XKR3: variants seen among roughly 807,000 people sequenced by gnomAD.
XKR3 encodes the protein XK-related protein 3.
Under a neutral mutation model 40.3 loss-of-function variants are expected in XKR3, and 27 were observed. The observed-to-expected ratio is 0.67, with a 90% confidence interval of 0.49 to 0.92. The LOEUF is 0.92. Among genes scored for constraint, XKR3 ranks in the 40% least tolerant of loss-of-function variants. The pLI, the probability that XKR3 is intolerant of heterozygous loss-of-function variation, is 0.00. For synonymous variants in XKR3, 193 were observed against 195.4 expected (o/e 0.99, Z 0.10); for missense variants, 472 against 537.6 (o/e 0.88, Z 1.21).
intron 1 of XKR3, among the ~76,000 whole-genome samples, chr22:16,820,499 A>G (rs556979207): frequency 6.6e-6 from 1 of 152,256 alleles, no homozygotes; most frequent in South Asian, 2.1e-4. Context: ...CATATTTAAC[A>G]TGGACCTGGG....
At chr22:16,800,899 A>G (rs1023813542) in intron 2 of XKR3, among the ~76,000 whole-genome samples, 1 of 152,196 alleles carries the variant, frequency 6.6e-6, no homozygotes, top group Non-Finnish European at 1.5e-5. Context: ...AATGATGAGC[A>G]AGTATTAAAA....
intron 3 of XKR3, among the ~76,000 whole-genome samples, chr22:16,790,068 G>C (rs911548956): frequency 6.6e-6 from 1 of 152,146 alleles, no homozygotes; most frequent in African/African-American, 2.4e-5. Flanking sequence ...GAACCTAGGA[G>C]TGCAAGGCTG....
At chr22:16,799,154 C>CA in intron 3 of XKR3, among the ~76,000 whole-genome samples, 1 of 152,068 alleles carries the variant, frequency 6.6e-6, no homozygotes, top group South Asian at 2.1e-4. Context: ...TGGCTCATGC[C>CA]AGTAATCCCA....
intron 3 of XKR3, among the ~76,000 whole-genome samples, chr22:16,797,510 T>C (rs1480300421): frequency 1.3e-5 from 2 of 151,962 alleles, no homozygotes; most frequent in Non-Finnish European, 2.9e-5. Context: ...TAGGTAAAAG[T>C]GGCCAGGCGC....
At position 16,784,372 on chromosome 22, in the gene XKR3, A is replaced by G. The variant is rs781013466; in HGVS notation, c.627T>C (p.Tyr209=). 3.4e-5 allele frequency: 55 copies of G among 1,607,430 alleles called. No homozygotes were observed. In the East Asian group the frequency reaches 8.0e-4, roughly 23 times the overall value. ...LMTFSLLSVT[Y]GAIRCNILAI... ...CCAGTATATTGCAGCGAATGGCCCC[A>G]TAAGTAACTGATAACAGGGAAAATG... The change falls in exon 4 of 4, where the codon TAT becomes TAC. Residue 209 remains tyrosine (Y), a synonymous_variant. Transcript: ENST00000684488.
At position 16,795,031 on chromosome 22, in the gene XKR3, C is replaced by T. The variant is rs1314712612; in HGVS notation, c.589+4740G>A. ...CTAAAAAAGAAACTCTGGACTTAAA[C>T]TCAACACTTGACCAAATGGAACTAA... On this transcript the variant is annotated intron_variant, in intron 3 of 3. Transcript: ENST00000684488. Among the ~76,000 whole-genome samples the T allele has an allele frequency of 2.6e-5, 4 of 152,178 alleles. No individual in the cohort carries two copies. In the East Asian group the frequency reaches 5.8e-4, roughly 22 times the overall value.
At chr22:16,822,330 A>G (rs1047955126) in intron 1 of XKR3, among the ~76,000 whole-genome samples, 3 of 152,150 alleles carry the variant, frequency 2.0e-5, no homozygotes, top group African/African-American at 7.2e-5. Context: ...ACCTCAAAGC[A>G]AGAACTAAAG....
At chr22:16,802,930 A>G (rs5992551) in intron 2 of XKR3, among the ~76,000 whole-genome samples, 9,192 of 152,262 alleles carry the variant, frequency 0.06, 817 homozygotes, top group African/African-American at 0.2. Context: ...CAGAAATAAA[A>G]TAGTCACACA....
At chr22:16,810,304 A>G (rs1257333188) in intron 1 of XKR3, among the ~76,000 whole-genome samples, 1 of 152,136 alleles carries the variant, frequency 6.6e-6, no homozygotes, top group Non-Finnish European at 1.5e-5. Flanking sequence ...AACTTTCCCC[A>G]TATGTTTCCC....
chr22:16,806,933 A>T (rs916293648), intron 2 of XKR3, among the ~76,000 whole-genome samples: 1 of 152,166 alleles, frequency 6.6e-6, no homozygotes, highest in African/African-American at 2.4e-5. Flanking sequence ...ATTAATTCCT[A>T]TGTGGTCCAT....
intron 1 of XKR3, among the ~76,000 whole-genome samples, chr22:16,821,383 A>G (rs1341241222): frequency 3.3e-5 from 5 of 152,128 alleles, no homozygotes; most frequent in Non-Finnish European, 7.4e-5. Flanking sequence ...TAAACAAAGC[A>G]TCTCAAAAAT....
At chr22:16,802,351 T>C (rs1178763966) in intron 2 of XKR3, among the ~76,000 whole-genome samples, 2 of 152,266 alleles carry the variant, frequency 1.3e-5, no homozygotes, top group Admixed American at 6.5e-5. Flanking sequence ...AGATACTTGA[T>C]TGAATTGTCT....
At chr22:16,812,907 C>T (rs763993261) in intron 1 of XKR3, among the ~76,000 whole-genome samples, 33 of 152,168 alleles carry the variant, frequency 2.2e-4, no homozygotes, top group Non-Finnish European at 3.5e-4. Flanking sequence ...TAAACAGACT[C>T]ATACAATATG....
chr22:16,784,450 A>C (rs748932020), intron 3 of XKR3, 41 bp from the exon 4 acceptor site: 10 of 1,511,124 alleles, frequency 6.6e-6, no homozygotes, highest in African/African-American at 1.4e-5. Flanking sequence ...AATATTTTTC[A>C]TTAGTAATGA....
chr22:16,811,323 G>C (rs1601849070), intron 1 of XKR3, among the ~76,000 whole-genome samples: 2 of 151,862 alleles, frequency 1.3e-5, no homozygotes, highest in Middle Eastern at 6.8e-3. Flanking sequence ...ATGGGGTTTT[G>C]CCATGTTGGC....
At chr22:16,817,334 T>G (rs958965916) in intron 1 of XKR3, among the ~76,000 whole-genome samples, 6 of 109,568 alleles carry the variant, frequency 5.5e-5, no homozygotes, top group African/African-American at 1.9e-4. Context: ...TGGCTGTTTC[T>G]TAGGGCATCG....
chr22:16,786,584 C>G (rs1428123246), intron 3 of XKR3, among the ~76,000 whole-genome samples: 5 of 152,194 alleles, frequency 3.3e-5, no homozygotes, highest in Non-Finnish European at 7.3e-5. Context: ...TGAGTGCATC[C>G]AGTGCTCTAC....
chr22:16,785,913 A>G (rs1317753748), intron 3 of XKR3, among the ~76,000 whole-genome samples: 2 of 152,160 alleles, frequency 1.3e-5, no homozygotes, highest in Non-Finnish European at 2.9e-5. Context: ...CTTAAGCCAG[A>G]AAACAAAAAA....
chr22:16,802,875 CTTTTT>C (rs1362102134), intron 2 of XKR3, among the ~76,000 whole-genome samples: 6 of 152,120 alleles, frequency 3.9e-5, no homozygotes, highest in Non-Finnish European at 8.8e-5. Context: ...TCATCCTTTT[CTTTTT>C]ATTTTTTTGA....
Sources: gnomAD v4.1 joint callset for allele counts (sites outside exome capture counted in the v4.1 genomes callset) on GRCh38, gnomAD v4.1.1 for gene constraint, MANE v1.5 for transcripts, NCBI Gene and HGNC (gene_info 2026-07-23, HGNC 2026-07-21) for gene names.